Variants in ARFIP1 observed in about 807,000 individuals in gnomAD.
ARFIP1 encodes arfaptin-1.
In ARFIP1, 24 loss-of-function variants were observed where a neutral mutation model predicts 42.5. That is an observed-to-expected ratio of 0.57 (90% CI 0.41 to 0.80). The LOEUF is 0.80. ARFIP1 is among the 30% of genes least tolerant of loss of function. The probability of loss-of-function intolerance (pLI) is 0.00; values close to 1 mark genes in which losing one functional copy is unlikely to be tolerated. For synonymous variants in ARFIP1, 141 were observed against 153.7 expected (o/e 0.92, Z 0.61); for missense variants, 354 against 434.0 (o/e 0.82, Z 1.64).
In ARFIP1 at chr4:152,823,850, G is replaced by A. The variant is rs543144360; in HGVS notation, c.-9-5775G>A. 4.6e-5 allele frequency among the ~76,000 whole-genome samples: 7 copies of A among 150,802 alleles called. No individual in the cohort carries two copies. In the South Asian group the frequency reaches 1.3e-3, roughly 27 times the overall value. ...GAAATTTTTCCAAAAACTCGAGAAG[G>A]AGGGATTGCTCCCTAACTCATCTTA... On this transcript the variant is annotated intron_variant, in intron 1 of 8. Transcript: ENST00000353617.
At chr4:152,837,022 C>T (rs1438961034) in intron 2 of ARFIP1, among the ~76,000 whole-genome samples, 1 of 152,036 alleles carries the variant, frequency 6.6e-6, no homozygotes, top group East Asian at 1.9e-4. Context: ...TCAGTGAGAA[C>T]ATACGATGTT....
At chr4:152,858,882 T>C (rs914802680) in intron 2 of ARFIP1, among the ~76,000 whole-genome samples, 8 of 152,180 alleles carry the variant, frequency 5.3e-5, no homozygotes, top group African/African-American at 1.7e-4. Flanking sequence ...TGCTATGTTG[T>C]ATGTTATCTT....
Position 152,888,212 on chromosome 4 carries a change from G to C in ARFIP1, c.871G>C (p.Glu291Gln), listed in dbSNP as rs746425395. Residue 291 changes from glutamate (E) to glutamine (Q), a missense_variant, in exon 8 of 9, where the codon GAG (glutamate) becomes CAG (glutamine). Coordinates refer to ENST00000353617, the MANE Select transcript of ARFIP1 (RefSeq NM_001025595.3). ...PRDANTLPKIEQSQHLFQAHK... is the reference protein window; with the variant it reads ...PRDANTLPKIQQSQHLFQAHK... Reference sequence around the variant, plus strand: ...TGACGCAAACACTCTGCCAAAGATTGAGCAGTCACAGCATCTCTTCCAAGC... The same window carrying C: ...TGACGCAAACACTCTGCCAAAGATTCAGCAGTCACAGCATCTCTTCCAAGC... The C allele has an allele frequency of 6.2e-7, 1 of 1,612,244 alleles. No individual in the cohort carries two copies. The highest frequency in any genetic ancestry group is 1.1e-5 in the South Asian group (1 of 90,876).
At chr4:152,848,697 C>G (rs890074156) in intron 2 of ARFIP1, among the ~76,000 whole-genome samples, 1 of 152,176 alleles carries the variant, frequency 6.6e-6, no homozygotes, top group African/African-American at 2.4e-5. Flanking sequence ...ATTGGAATCA[C>G]TGTTAGGTCA....
intron 1 of ARFIP1, among the ~76,000 whole-genome samples, chr4:152,812,214 A>T (rs1729525222): frequency 6.6e-6 from 1 of 152,112 alleles, no homozygotes; most frequent in African/African-American, 2.4e-5. Context: ...TGTTGTTTTG[A>T]GATGAGTTCT....
At chr4:152,781,299 G>C (rs941384063) in intron 1 of ARFIP1, among the ~76,000 whole-genome samples, 2 of 140,042 alleles carry the variant, frequency 1.4e-5, no homozygotes, top group Non-Finnish European at 3.0e-5. Context: ...GCATTGGCAC[G>C]ATCTCGGCTC....
intron 2 of ARFIP1, among the ~76,000 whole-genome samples, chr4:152,830,950 C>T (rs911840504): frequency 6.6e-6 from 1 of 152,090 alleles, no homozygotes; most frequent in South Asian, 2.1e-4. Flanking sequence ...TCTTCAAGCT[C>T]GAGGTTTATT....
intron 1 of ARFIP1, among the ~76,000 whole-genome samples, chr4:152,817,520 A>G: frequency 6.6e-6 from 1 of 152,194 alleles, no homozygotes; most frequent in East Asian, 1.9e-4. Flanking sequence ...AGGAGAAAAC[A>G]GGAAATGTTT....
intron 1 of ARFIP1, among the ~76,000 whole-genome samples, chr4:152,784,825 T>C (rs1730705886): frequency 6.6e-6 from 1 of 152,256 alleles, no homozygotes; most frequent in Non-Finnish European, 1.5e-5. Context: ...TGTTCTCACC[T>C]AAGATAAGAA....
chr4:152,902,331 G>T (rs1424267477), intron 8 of ARFIP1, among the ~76,000 whole-genome samples: 1 of 152,174 alleles, frequency 6.6e-6, no homozygotes, highest in Non-Finnish European at 1.5e-5. Flanking sequence ...GAGAGACCCG[G>T]TCTCTACGGA....
chr4:152,841,581 G>C (rs1732079984), intron 2 of ARFIP1, among the ~76,000 whole-genome samples: 1 of 152,150 alleles, frequency 6.6e-6, no homozygotes, highest in Admixed American at 6.5e-5. Context: ...TTGTGGTGGT[G>C]GTTTGGTAAT....
At chr4:152,881,285 A>G (rs1417252108) in intron 6 of ARFIP1, 101 bp downstream of exon 6, 1 of 913,082 alleles carries the variant, frequency 1.1e-6, no homozygotes. Context: ...CTTAATGAAG[A>G]TGGAATTCTG....
At chr4:152,843,386 C>T (rs531625526) in intron 2 of ARFIP1, among the ~76,000 whole-genome samples, 2 of 152,244 alleles carry the variant, frequency 1.3e-5, no homozygotes, top group East Asian at 3.9e-4. Context: ...TGTTTTTGTG[C>T]TGATTGGCCT....
At position 152,820,036 on chromosome 4, in the gene ARFIP1, G is replaced by C. The variant is rs139209281; in HGVS notation, c.-9-9589G>C. On this transcript the variant is annotated intron_variant, in intron 1 of 8. Coordinates refer to ENST00000353617, the MANE Select transcript of ARFIP1 (RefSeq NM_001025595.3). The stretch of plus-strand genomic sequence containing the variant: ...TTCCTGCAGATGAAAAGAGGTGCCT[G>C]TCTGTGATCTGAATAGCTGGAACAC... 2.5e-3 allele frequency among the ~76,000 whole-genome samples: 376 copies of C among 152,232 alleles called. 3 individuals are homozygous for C. The highest frequency in any genetic ancestry group is 0.01 in the Middle Eastern group (3 of 294).
At chr4:152,885,496 C>G (rs572788471) in intron 7 of ARFIP1, among the ~76,000 whole-genome samples, 1 of 151,972 alleles carries the variant, frequency 6.6e-6, no homozygotes, top group South Asian at 2.1e-4. Flanking sequence ...CCGTCACTAA[C>G]TTTGTTGATA....
At chr4:152,910,006 C>G in intron 8 of ARFIP1, 58 bp from the exon 9 acceptor site, 1 of 1,551,530 alleles carries the variant, frequency 6.4e-7, no homozygotes, top group South Asian at 1.2e-5. Context: ...ATAAATCACT[C>G]TCTATTTTAT....
At chr4:152,804,752 A>G (rs1464512448) in intron 1 of ARFIP1, among the ~76,000 whole-genome samples, 1 of 151,702 alleles carries the variant, frequency 6.6e-6, no homozygotes, top group African/African-American at 2.4e-5. Context: ...AAATGAGATA[A>G]TGCACATAAA....
At chr4:152,889,614 A>AGTG (rs1248848398) in intron 8 of ARFIP1, among the ~76,000 whole-genome samples, 8 of 129,616 alleles carry the variant, frequency 6.2e-5, no homozygotes, top group Non-Finnish European at 1.3e-4. Context: ...TACTATATAT[A>AGTG]CATATATATA....
chr4:152,835,511 T>C lies in ARFIP1; in HGVS notation c.93+5785T>C, dbSNP rs190555064. 3.0e-4 allele frequency among the ~76,000 whole-genome samples: 46 copies of C among 152,308 alleles called. No individual in the cohort carries two copies. The East Asian group carries it at 8.3e-3, about 28-fold the overall frequency. ...CATCTGAAACCTTGTCAGCCTGGACTTCACTGTCCATATTTCTATCAGCAT... is the reference window on the plus strand; with the variant it reads ...CATCTGAAACCTTGTCAGCCTGGACCTCACTGTCCATATTTCTATCAGCAT... On this transcript the variant is annotated intron_variant, in intron 2 of 8. Transcript: ENST00000353617.
Sources: gnomAD v4.1 joint callset for allele counts (sites outside exome capture counted in the v4.1 genomes callset) on GRCh38, gnomAD v4.1.1 for gene constraint, MANE v1.5 for transcripts, NCBI Gene and HGNC (gene_info 2026-07-23, HGNC 2026-07-21) for gene names.